OPCML: variants seen among roughly 807,000 people sequenced by gnomAD.
OPCML encodes the protein opioid-binding protein/cell adhesion molecule.
OPCML carries 13 observed loss-of-function variants against 37.8 expected under a neutral mutation model. That is an observed-to-expected ratio of 0.34 (90% confidence interval 0.22 to 0.55). The LOEUF (loss-of-function observed/expected upper bound fraction) is 0.55, where lower values mean the gene tolerates loss of function less well. OPCML is among the 20% of genes least tolerant of loss of function. OPCML has a pLI of 0.91. For missense variants in OPCML, 341 were observed against 435.6 expected (o/e 0.78, Z 1.93); for synonymous variants, 176 against 168.8 (o/e 1.04, Z -0.33).
Position 132,798,402 on chromosome 11 carries a change from C to T in OPCML, c.147-141083G>A, listed in dbSNP as rs568033248. ...ACTAAAATTATGTAATACTTCAATC[C>T]TTTGCTGTCATTTCAACAATATTCC... On this transcript the variant is annotated intron_variant, in intron 2 of 7. Transcript: ENST00000524381. 1.1e-4 allele frequency among the ~76,000 whole-genome samples: 16 copies of T among 152,318 alleles called. No homozygotes were observed. In the East Asian group the frequency reaches 2.5e-3, roughly 24 times the overall value.
At chr11:132,654,924 G>C (rs535299948) in intron 3 of OPCML, among the ~76,000 whole-genome samples, 1 of 151,964 alleles carries the variant, frequency 6.6e-6, no homozygotes, top group African/African-American at 2.4e-5. Flanking sequence ...GGAATGCGGA[G>C]ACTGAGGAGC....
At chr11:132,507,255 T>G (rs2096259215) in intron 4 of OPCML, among the ~76,000 whole-genome samples, 1 of 152,086 alleles carries the variant, frequency 6.6e-6, no homozygotes, top group Non-Finnish European at 1.5e-5. Context: ...AAATCCGGTA[T>G]TACTCATTTT....
intron 1 of OPCML, among the ~76,000 whole-genome samples, chr11:133,056,968 C>T (rs554936245): frequency 2.0e-5 from 3 of 152,250 alleles, no homozygotes; most frequent in African/African-American, 4.8e-5. Context: ...CTCAGCCTCC[C>T]GAGTAGCTGG....
intron 2 of OPCML, among the ~76,000 whole-genome samples, chr11:132,826,256 CT>C (rs1469041532): frequency 1.3e-5 from 2 of 152,204 alleles, no homozygotes; most frequent in Admixed American, 6.5e-5. Flanking sequence ...CTCCTGTTGG[CT>C]TGGAAACTAT....
chr11:133,499,313 C>G (rs945191175), intron 1 of OPCML, among the ~76,000 whole-genome samples: 1 of 152,186 alleles, frequency 6.6e-6, no homozygotes, highest in South Asian at 2.1e-4. Flanking sequence ...ACATCTCCAT[C>G]GCATTCCCAA....
chr11:132,497,239 G>A (rs770571050), intron 4 of OPCML, among the ~76,000 whole-genome samples: 11 of 151,862 alleles, frequency 7.2e-5, no homozygotes, highest in South Asian at 4.2e-4. Flanking sequence ...GGGGCCTGTC[G>A]GAGTGGGGAG....
intron 1 of OPCML, among the ~76,000 whole-genome samples, chr11:133,374,958 A>G (rs2136762637): frequency 6.6e-6 from 1 of 152,290 alleles, no homozygotes; most frequent in African/African-American, 2.4e-5. Context: ...AAGGTGGTAT[A>G]CTAATTATAA....
chr11:133,071,111 T>G (rs1948525454), intron 1 of OPCML, among the ~76,000 whole-genome samples: 1 of 152,242 alleles, frequency 6.6e-6, no homozygotes, highest in South Asian at 2.1e-4. Flanking sequence ...TCTCATCTAT[T>G]AAAATAAAAT....
chr11:132,936,521 G>A (rs904676259), intron 2 of OPCML, among the ~76,000 whole-genome samples: 9 of 152,166 alleles, frequency 5.9e-5, no homozygotes, highest in South Asian at 2.1e-4. Context: ...CACTAGCATC[G>A]GCATGTCCCC....
At position 133,208,725 on chromosome 11, in the gene OPCML, T is replaced by C. The variant is rs1939224222; in HGVS notation, c.62-265715A>G. Among the ~76,000 whole-genome samples, 1 of 152,208 alleles carries C rather than the reference T, an allele frequency of 6.6e-6. No individual in the cohort carries two copies. The highest frequency in any genetic ancestry group is 6.5e-5 in the Admixed American group (1 of 15,272). On this transcript the variant is annotated intron_variant, in intron 1 of 7. Transcript: ENST00000524381. This position sits in a 1 kb window ranked among gnomAD's most constrained non-coding sequence, Gnocchi z 8.9. The stretch of plus-strand genomic sequence containing the variant: ...ACTAGCCATCCAAGTGAATAAAGGC[T>C]GCTGTAAGACTGAAGCACACGTTAT...
At chr11:132,702,999 T>C (rs1939514) in intron 2 of OPCML, among the ~76,000 whole-genome samples, 76,774 of 151,894 alleles carry the variant, frequency 0.51, 19,578 homozygotes, top group Admixed American at 0.57. Flanking sequence ...GTCTTCTAGA[T>C]AACTGAGCTC....
intron 1 of OPCML, among the ~76,000 whole-genome samples, chr11:133,032,199 G>A (rs965704688): frequency 2.0e-5 from 3 of 152,336 alleles, no homozygotes; most frequent in Admixed American, 2.0e-4. Flanking sequence ...CAGAGGTCAT[G>A]TGACCTTGAC....
At position 133,514,158 on chromosome 11, in the gene OPCML, T is replaced by G. The variant is rs145590902; in HGVS notation, c.61+18106A>C. On this transcript the variant is annotated intron_variant, in intron 1 of 7. Coordinates refer to ENST00000524381, the MANE Select transcript of OPCML (RefSeq NM_001012393.5). ...CCTGGCATCTGCAAGACCTTGGAGC[T>G]ACAGCATTGTCAGTGTTTGCAGTAG... Among the ~76,000 whole-genome samples the G allele has an allele frequency of 7.5e-3, 1,137 of 152,312 alleles. 18 individuals are homozygous for G. Among genetic ancestry groups the G allele is most frequent in the African/African-American group, 0.026 (1,069 of 41,570 alleles).
chr11:133,315,117 A>G (rs575112520), intron 1 of OPCML, among the ~76,000 whole-genome samples: 1 of 152,330 alleles, frequency 6.6e-6, no homozygotes, highest in Non-Finnish European at 1.5e-5. Context: ...CTCTTATTAT[A>G]CATTTCTCTG....
chr11:133,298,368 T>C (rs1327057402), intron 1 of OPCML: 2 of 152,098 alleles, frequency 1.3e-5, no homozygotes, highest in African/African-American at 4.8e-5. Flanking sequence ...ATGGTAAAAA[T>C]CATCAAATAT....
intron 2 of OPCML, among the ~76,000 whole-genome samples, chr11:132,838,779 A>T (rs908618875): frequency 6.6e-6 from 1 of 152,306 alleles, no homozygotes; most frequent in Non-Finnish European, 1.5e-5. Flanking sequence ...TAGAGATCAG[A>T]GTCATTCATG....
chr11:132,692,686 C>G (rs114905070), intron 2 of OPCML, among the ~76,000 whole-genome samples: 1 of 152,154 alleles, frequency 6.6e-6, no homozygotes, highest in Non-Finnish European at 1.5e-5. Context: ...TTTCATCCCA[C>G]GTGGTTAGAA....
intron 2 of OPCML, among the ~76,000 whole-genome samples, chr11:132,659,263 C>T (rs1234623493): frequency 6.6e-6 from 1 of 152,186 alleles, no homozygotes; most frequent in African/African-American, 2.4e-5. Flanking sequence ...TCCCTGCTCC[C>T]CACTTTCAAA....
chr11:133,254,052 A>G (rs1256855397), intron 1 of OPCML, among the ~76,000 whole-genome samples: 1 of 152,210 alleles, frequency 6.6e-6, no homozygotes, highest in African/African-American at 2.4e-5. Flanking sequence ...ATTAGTCAAG[A>G]GACAGCAGAA....
Sources: gnomAD v4.1 joint callset for allele counts (sites outside exome capture counted in the v4.1 genomes callset) on GRCh38, gnomAD v4.1.1 for gene constraint, Gnocchi (gnomAD v3.1) non-coding constraint, MANE v1.5 for transcripts, NCBI Gene and HGNC (gene_info 2026-07-23, HGNC 2026-07-21) for gene names.